The following HTR3B variants were observed in gnomAD, a reference collection of about 807,000 sequenced individuals.
The protein encoded by HTR3B is 5-hydroxytryptamine receptor 3B.
A neutral mutation model predicts 42.8 loss-of-function variants in HTR3B; 44 were observed. The ratio of observed to expected loss-of-function variants is 1.03; its 90% CI spans 0.81 to 1.32. The LOEUF is 1.32. Ranked by LOEUF, HTR3B falls within the 40% of genes most tolerant of loss-of-function variation. The probability of loss-of-function intolerance (pLI) is 0.00; values close to 1 mark genes in which losing one functional copy is unlikely to be tolerated. For missense variants in HTR3B, 527 were observed against 536.5 expected (o/e 0.98, Z 0.17); for synonymous variants, 203 against 209.0 (o/e 0.97, Z 0.25).
At chr11:113,903,823 G>A (rs538246721), upstream of HTR3B, among the ~76,000 whole-genome samples, 1 of 152,290 alleles carries the variant, frequency 6.6e-6, no homozygotes, top group South Asian at 2.1e-4. Flanking sequence ...GGTTATCTTA[G>A]TTTTCTCTCT....
rs186124614 is a variant in HTR3B, at chr11:113,948,362, A to G, written c.*2225A>G. 7.2e-5 allele frequency among the ~76,000 whole-genome samples: 11 copies of G among 152,190 alleles called. 1 individual carries two copies. The highest frequency in any genetic ancestry group is 1.3e-4 in the Non-Finnish European group (9 of 68,002). Reference sequence around the variant, plus strand: ...CACTGTGGGGTCTCTCTCCTTCCCAACTATGTCTTAGAGAAAGCACCAGTG... The same window carrying G: ...CACTGTGGGGTCTCTCTCCTTCCCAGCTATGTCTTAGAGAAAGCACCAGTG... On this transcript the variant is annotated 3_prime_UTR_variant, in exon 9 of 9. Transcript: ENST00000260191.
intron 2 of HTR3B, among the ~76,000 whole-genome samples, chr11:113,917,946 G>A (rs547337747): frequency 6.6e-6 from 1 of 152,166 alleles, no homozygotes; most frequent in African/African-American, 2.4e-5. Flanking sequence ...GTTATGAAAC[G>A]CTCCACTTCA....
At chr11:113,933,468 TCAA>T (rs1950058042) in intron 6 of HTR3B, among the ~76,000 whole-genome samples, 1 of 151,638 alleles carries the variant, frequency 6.6e-6, no homozygotes, top group Admixed American at 6.6e-5. Context: ...GACTTTCTCA[TCAA>T]CATTATTGTC....
intron 2 of HTR3B, among the ~76,000 whole-genome samples, chr11:113,928,133 GT>G (rs1215024180): frequency 6.6e-6 from 1 of 152,140 alleles, no homozygotes; most frequent in Non-Finnish European, 1.5e-5. Flanking sequence ...AACATGTGGT[GT>G]TTGGTTTTCT....
chr11:113,906,104 A>T (rs1949731315), intron 1 of HTR3B, among the ~76,000 whole-genome samples: 1 of 152,212 alleles, frequency 6.6e-6, no homozygotes, highest in Non-Finnish European at 1.5e-5. Flanking sequence ...ATTATGCATG[A>T]TTTTTGTTCT....
At chr11:113,931,733 T>C in intron 3 of HTR3B, 25 bp from the exon 4 acceptor site, 1 of 1,367,082 alleles carries the variant, frequency 7.3e-7, no homozygotes, top group Non-Finnish European at 1.0e-6. Context: ...TTTTGATAAG[T>C]TTTCTTTTTG....
Position 113,913,110 on chromosome 11 carries a change from G to C in HTR3B, c.213+3655G>C, listed in dbSNP as rs190906013. 3.1e-3 allele frequency among the ~76,000 whole-genome samples: 463 copies of C among 150,398 alleles called. 2 individuals are homozygous for C. The highest frequency in any genetic ancestry group is 0.011 in the African/African-American group (448 of 41,298). ...TCTTCGCTATTCATTTTCTTAATGGGTCTTACAATGAATAGAAATTTTCAA... is the reference window on the plus strand; with the variant it reads ...TCTTCGCTATTCATTTTCTTAATGGCTCTTACAATGAATAGAAATTTTCAA... On this transcript the variant is annotated intron_variant, in intron 2 of 8. Transcript: ENST00000260191.
chr11:113,944,968 T>C (rs1158050250), intron 8 of HTR3B, among the ~76,000 whole-genome samples: 2 of 152,100 alleles, frequency 1.3e-5, no homozygotes, highest in Non-Finnish European at 2.9e-5. Context: ...TGTTTTTCTG[T>C]TTGTTTTGGT....
At chr11:113,913,486 C>T (rs891368407) in intron 2 of HTR3B, among the ~76,000 whole-genome samples, 10 of 142,926 alleles carry the variant, frequency 7.0e-5, no homozygotes, top group Non-Finnish European at 1.2e-4. Flanking sequence ...GCTGGGATTA[C>T]GGGTGTGAGC....
At chr11:113,922,039 G>C (rs1296838752) in intron 2 of HTR3B, among the ~76,000 whole-genome samples, 2 of 152,026 alleles carry the variant, frequency 1.3e-5, no homozygotes, top group African/African-American at 4.8e-5. Flanking sequence ...GTTGTTTCCT[G>C]CCTGTAAGTC....
chr11:113,936,766 T>C (rs1326817816), intron 6 of HTR3B, among the ~76,000 whole-genome samples: 1 of 152,152 alleles, frequency 6.6e-6, no homozygotes, highest in Non-Finnish European at 1.5e-5. Flanking sequence ...GGCAAATGGG[T>C]TCTTCTGTAT....
chr11:113,935,774 T>C (rs1333652974), intron 6 of HTR3B, among the ~76,000 whole-genome samples: 2 of 152,124 alleles, frequency 1.3e-5, no homozygotes, highest in Non-Finnish European at 2.9e-5. Context: ...CCTCTTAATC[T>C]ACTCGCCGGC....
chr11:113,945,833 T>C (rs567648917), intron 8 of HTR3B, 69 bp from the exon 9 acceptor site: 1 of 1,109,482 alleles, frequency 9.0e-7, no homozygotes, highest in East Asian at 2.4e-5. Context: ...GGCCATCAGC[T>C]TCAAGAGAAA....
chr11:113,899,713 A>G, the HTR3B span, among the ~76,000 whole-genome samples: 11 of 152,344 alleles, frequency 7.2e-5, no homozygotes, highest in East Asian at 1.9e-4. Context: ...ACACTTCCTT[A>G]TTATGTTTGC....
chr11:113,908,099 A>G (rs1949747144), intron 1 of HTR3B, among the ~76,000 whole-genome samples: 1 of 152,186 alleles, frequency 6.6e-6, no homozygotes, highest in Admixed American at 6.5e-5. Flanking sequence ...TAAAATGCTC[A>G]TTAGATTCCC....
chr11:113,938,131 A>G (rs1247548993), intron 6 of HTR3B, among the ~76,000 whole-genome samples: 1 of 152,124 alleles, frequency 6.6e-6, no homozygotes, highest in Non-Finnish European at 1.5e-5. Flanking sequence ...ACTCTACTCC[A>G]GTATGACCTC....
chr11:113,943,577 C>A (rs181469710), intron 7 of HTR3B, among the ~76,000 whole-genome samples: 2 of 151,956 alleles, frequency 1.3e-5, no homozygotes, highest in East Asian at 3.9e-4. Flanking sequence ...TCAGGTGGTC[C>A]GCCCACCTCA....
chr11:113,906,082 CTAA>C (rs763875196), intron 1 of HTR3B, among the ~76,000 whole-genome samples: 64 of 152,204 alleles, frequency 4.2e-4, no homozygotes, highest in African/African-American at 1.4e-3. Context: ...CAATATCTCT[CTAA>C]TGTTTTGTAT....
intron 6 of HTR3B, 50 bp downstream of exon 6, chr11:113,933,143 G>T (rs771932402): frequency 3.8e-6 from 6 of 1,577,262 alleles, no homozygotes; most frequent in Admixed American, 1.7e-5. Context: ...CCAGCCTTTG[G>T]CCTTCTCTCT....
Sources: allele counts gnomAD v4.1 joint callset (sites outside exome capture counted in the v4.1 genomes callset), GRCh38; gene constraint gnomAD v4.1.1; transcripts MANE v1.5; gene names NCBI Gene and HGNC (gene_info 2026-07-23, HGNC 2026-07-21).